The following KATNAL2 variants were observed in gnomAD, a reference collection of about 807,000 sequenced individuals.
The protein encoded by KATNAL2 is katanin catalytic subunit A1 like 2.
Under a neutral mutation model 76.3 loss-of-function variants are expected in KATNAL2, and 52 were observed. The observed-to-expected ratio is 0.68, with a 90% CI of 0.55 to 0.86. KATNAL2 has a LOEUF of 0.86. KATNAL2 is among the 40% of genes least tolerant of loss of function. The pLI is 0.00. For synonymous variants in KATNAL2, 243 were observed against 244.2 expected (o/e 1.00, Z 0.05); for missense variants, 660 against 668.9 (o/e 0.99, Z 0.15).
rs1274656480 is a variant in KATNAL2 at position 47,101,161 on chromosome 18, A to T, written c.*156A>T. 3.8e-6 allele frequency: 3 copies of T among 781,836 alleles called. No individual in the cohort carries two copies. The highest frequency in any genetic ancestry group is 1.7e-5 in the African/African-American group (1 of 57,174). 48.4% of individuals were successfully genotyped at this position (781,836 alleles called of 1,614,324 possible). ...CACTGTATTGTTTTGGATAGCTGAGATATATTTATTAACTTACCATTATCG... is the reference window on the plus strand; with the variant it reads ...CACTGTATTGTTTTGGATAGCTGAGTTATATTTATTAACTTACCATTATCG... On this transcript the variant is annotated 3_prime_UTR_variant, in exon 18 of 18. Coordinates refer to ENST00000683218, the MANE Select transcript of KATNAL2 (RefSeq NM_001387690.1).
intron 3 of KATNAL2, among the ~76,000 whole-genome samples, chr18:46,965,581 G>GCCACCCCCC: frequency 1.4e-5 from 1 of 73,874 alleles, no homozygotes; most frequent in Non-Finnish European, 2.9e-5. Flanking sequence ...TAGCATCCCC[G>GCCACCCCCC]CCCCCCCCCC....
At chr18:47,056,239 AC>A (rs1162312109) in intron 6 of KATNAL2, among the ~76,000 whole-genome samples, 1 of 152,240 alleles carries the variant, frequency 6.6e-6, no homozygotes, top group Non-Finnish European at 1.5e-5. Context: ...AAGAGTTACA[AC>A]AAATAGCTCC....
chr18:47,025,104 C>A (rs1337661444), intron 3 of KATNAL2, among the ~76,000 whole-genome samples: 3 of 94,556 alleles, frequency 3.2e-5, no homozygotes, highest in Non-Finnish European at 6.3e-5. Context: ...ATCTCCCCCC[C>A]CCACCCCGCC....
chr18:47,034,599 G>A (rs2060667126), intron 3 of KATNAL2: 1 of 1,614,032 alleles, frequency 6.2e-7, no homozygotes, highest in African/African-American at 1.3e-5. Flanking sequence ...CCTTGCTGTG[G>A]CTCACAACGG....
chr18:46,951,550 A>C (rs2059556703), intron 3 of KATNAL2, among the ~76,000 whole-genome samples: 13 of 151,566 alleles, frequency 8.6e-5, no homozygotes. Flanking sequence ...CCTGTGTTAG[A>C]AATCCTGCTT....
intron 4 of KATNAL2, among the ~76,000 whole-genome samples, chr18:47,049,605 A>G (rs765916442): frequency 1.3e-5 from 2 of 152,250 alleles, no homozygotes; most frequent in Non-Finnish European, 2.9e-5. Flanking sequence ...CCCTCATTTC[A>G]GGACTTCTCA....
At chr18:46,942,032 G>A (rs985504471) in intron 1 of KATNAL2, among the ~76,000 whole-genome samples, 1 of 152,120 alleles carries the variant, frequency 6.6e-6, no homozygotes, top group Non-Finnish European at 1.5e-5. Flanking sequence ...TGCTTTGGCG[G>A]GAGTCAGGGC....
At chr18:46,954,159 T>C (rs1446206348) in intron 3 of KATNAL2, among the ~76,000 whole-genome samples, 1 of 151,602 alleles carries the variant, frequency 6.6e-6, no homozygotes, top group South Asian at 2.1e-4. Context: ...TGTAACCTGA[T>C]TGGAGAAGGG....
chr18:47,079,879 A>C (rs966511603), intron 15 of KATNAL2, among the ~76,000 whole-genome samples: 3 of 152,204 alleles, frequency 2.0e-5, no homozygotes, highest in African/African-American at 7.2e-5. Flanking sequence ...ACGTTGCATT[A>C]TATCTAGAGG....
chr18:47,088,522 CAG>C (rs2062869238), intron 15 of KATNAL2, among the ~76,000 whole-genome samples: 1 of 152,010 alleles, frequency 6.6e-6, no homozygotes, highest in Non-Finnish European at 1.5e-5. Context: ...TTTTTTCTGC[CAG>C]GTCTCATTTA....
chr18:47,086,989 C>T (rs1346610589), intron 15 of KATNAL2, among the ~76,000 whole-genome samples: 1 of 152,156 alleles, frequency 6.6e-6, no homozygotes, highest in Non-Finnish European at 1.5e-5. Flanking sequence ...ACATTTAAAA[C>T]ATTATAAAAT....
chr18:47,061,053 C>T (rs2061616163), intron 8 of KATNAL2, among the ~76,000 whole-genome samples: 1 of 152,200 alleles, frequency 6.6e-6, no homozygotes, highest in Non-Finnish European at 1.5e-5. Context: ...GAAATGTCCT[C>T]AAAGGCACAA....
At chr18:47,034,702 GCAGCGGGCT>G (rs1333535418) in intron 3 of KATNAL2, 1 of 1,612,798 alleles carries the variant, frequency 6.2e-7, no homozygotes, top group Non-Finnish European at 8.5e-7. Flanking sequence ...CTTCCCGGGC[GCAGCGGGCT>G]CAGGGCCCTC....
At chr18:47,049,132 T>C (rs2061261836) in intron 4 of KATNAL2, among the ~76,000 whole-genome samples, 1 of 152,244 alleles carries the variant, frequency 6.6e-6, no homozygotes, top group South Asian at 2.1e-4. Flanking sequence ...CCAGACTATT[T>C]TCTTTCAAAT....
chr18:46,936,597 A>G (rs139619261), intron 1 of KATNAL2, among the ~76,000 whole-genome samples: 64 of 152,266 alleles, frequency 4.2e-4, no homozygotes, highest in African/African-American at 1.5e-3. Flanking sequence ...AGGGGTCAAA[A>G]GAGAAATCAC....
intron 15 of KATNAL2, among the ~76,000 whole-genome samples, chr18:47,093,329 A>C (rs909743679): frequency 1.3e-5 from 2 of 151,656 alleles, no homozygotes; most frequent in Non-Finnish European, 2.9e-5. Context: ...ACATACAGAA[A>C]ATTATTTCCT....
intron 1 of KATNAL2, among the ~76,000 whole-genome samples, chr18:46,918,358 T>G (rs1013530963): frequency 1.3e-5 from 2 of 152,140 alleles, no homozygotes; most frequent in African/African-American, 2.4e-5. Flanking sequence ...AAGGCCCTGT[T>G]TAATCAGCCT....
At chr18:46,921,045 T>C (rs2058509675) in intron 1 of KATNAL2, among the ~76,000 whole-genome samples, 1 of 152,244 alleles carries the variant, frequency 6.6e-6, no homozygotes, top group African/African-American at 2.4e-5. Context: ...TAGGCTACCG[T>C]CTTAAAATGG....
chr18:47,092,748 C>T (rs2063056280), intron 15 of KATNAL2, among the ~76,000 whole-genome samples: 1 of 152,184 alleles, frequency 6.6e-6, no homozygotes, highest in African/African-American at 2.4e-5. Context: ...CCATCGTCCT[C>T]CTGGAGGGTC....
Sources: gnomAD v4.1 joint callset for allele counts (sites outside exome capture counted in the v4.1 genomes callset) on GRCh38, gnomAD v4.1.1 for gene constraint, MANE v1.5 for transcripts, NCBI Gene and HGNC (gene_info 2026-07-23, HGNC 2026-07-21) for gene names.